The following DCLK1 variants were observed in gnomAD, a reference collection of about 807,000 sequenced individuals.
The protein encoded by DCLK1 is serine/threonine-protein kinase DCLK1.
Under a neutral mutation model 86.2 loss-of-function variants are expected in DCLK1, and 16 were observed. That is an observed-to-expected ratio of 0.19 (90% confidence interval 0.13 to 0.28). The LOEUF (loss-of-function observed/expected upper bound fraction) is 0.28, where lower values mean the gene tolerates loss of function less well. Among genes scored for constraint, DCLK1 ranks in the 10% least tolerant of loss-of-function variants. DCLK1 has a pLI of 1.00. For synonymous variants in DCLK1, 369 were observed against 370.5 expected, an observed-to-expected ratio of 1.00 and a Z score of 0.05; for missense variants, 590 against 940.2, an observed-to-expected ratio of 0.63 and a Z score of 4.87.
At chr13:35,887,221 G>A (rs547318192) in intron 4 of DCLK1, among the ~76,000 whole-genome samples, 1 of 152,318 alleles carries the variant, frequency 6.6e-6, no homozygotes, top group African/African-American at 2.4e-5. Context: ...AGTGCCACAG[G>A]TGACCTGTTT....
chr13:36,098,558 T>C (rs1344183960), intron 3 of DCLK1, among the ~76,000 whole-genome samples: 1 of 152,116 alleles, frequency 6.6e-6, no homozygotes, highest in Non-Finnish European at 1.5e-5. Flanking sequence ...CACTTTTGTC[T>C]TCAAAAAAAA....
chr13:35,954,674 A>G (rs1290746138), intron 3 of DCLK1, among the ~76,000 whole-genome samples: 1 of 152,148 alleles, frequency 6.6e-6, no homozygotes, highest in African/African-American at 2.4e-5. Context: ...TTATGGCTAG[A>G]AGCTTCTAAT....
intron 4 of DCLK1, among the ~76,000 whole-genome samples, chr13:35,918,892 G>GTTTTTGTTTTTTTTTT (rs1875602965): frequency 1.3e-5 from 1 of 76,310 alleles, no homozygotes; most frequent in Non-Finnish European, 2.5e-5. Context: ...TTCTGAGTGT[G>GTTTTTGTTTTTTTTTT]TTTTTTTTTT....
chr13:36,076,725 C>T (rs1456311004), intron 3 of DCLK1, among the ~76,000 whole-genome samples: 2 of 152,144 alleles, frequency 1.3e-5, no homozygotes, highest in East Asian at 1.9e-4. Flanking sequence ...CGATTGCACC[C>T]GCCACCTAGT....
At chr13:36,051,037 A>G (rs1014146614) in intron 3 of DCLK1, among the ~76,000 whole-genome samples, 3 of 152,112 alleles carry the variant, frequency 2.0e-5, no homozygotes, top group Non-Finnish European at 4.4e-5. Context: ...GCTAAAACAC[A>G]TTTCACTCCA....
chr13:35,927,969 C>T (rs902629252), intron 4 of DCLK1, among the ~76,000 whole-genome samples: 1 of 152,172 alleles, frequency 6.6e-6, no homozygotes. Context: ...AAGGAGAGGA[C>T]CTGCAAGCTC....
chr13:35,935,913 T>C (rs1026877392), intron 4 of DCLK1, among the ~76,000 whole-genome samples: 15 of 152,116 alleles, frequency 9.9e-5, no homozygotes, highest in Non-Finnish European at 1.6e-4. Context: ...ACCATCTGGT[T>C]GCCATTTGTC....
intron 3 of DCLK1, among the ~76,000 whole-genome samples, chr13:36,043,322 AT>A (rs202015103): frequency 6.6e-6 from 1 of 151,796 alleles, no homozygotes; most frequent in Non-Finnish European, 1.5e-5. Context: ...GCTCCTAGAA[AT>A]TTAAAAAAAA....
intron 8 of DCLK1, among the ~76,000 whole-genome samples, chr13:35,831,898 G>A (rs1207904442): frequency 6.6e-6 from 1 of 152,160 alleles, no homozygotes; most frequent in Non-Finnish European, 1.5e-5. Context: ...GCTAAAAATG[G>A]TTTGGAGACA....
At chr13:35,816,696 C>T (rs2087274784) in intron 11 of DCLK1, among the ~76,000 whole-genome samples, 1 of 152,212 alleles carries the variant, frequency 6.6e-6, no homozygotes, top group African/African-American at 2.4e-5. Flanking sequence ...TCAGATATGT[C>T]TGAGTCCAAG....
intron 3 of DCLK1, among the ~76,000 whole-genome samples, chr13:36,079,384 C>T (rs1884333447): frequency 6.6e-6 from 1 of 152,208 alleles, no homozygotes; most frequent in Non-Finnish European, 1.5e-5. Context: ...AATCCCAAAA[C>T]TTTGGGAGGC....
intron 16 of DCLK1, among the ~76,000 whole-genome samples, chr13:35,783,878 G>A (rs542066147): frequency 6.6e-5 from 10 of 152,218 alleles, no homozygotes; most frequent in South Asian, 4.1e-4. Context: ...GAGCCACCGC[G>A]CCCAGCCTCC....
intron 5 of DCLK1, among the ~76,000 whole-genome samples, chr13:35,858,172 G>C (rs770502718): frequency 2.0e-5 from 3 of 152,142 alleles, no homozygotes; most frequent in African/African-American, 7.2e-5. Flanking sequence ...GCACATTTAA[G>C]GGTCCTATGG....
intron 3 of DCLK1, among the ~76,000 whole-genome samples, chr13:35,987,267 A>T (rs1879966709): frequency 6.6e-6 from 1 of 152,164 alleles, no homozygotes; most frequent in South Asian, 2.1e-4. Flanking sequence ...ACTAAAAAAA[A>T]TACAAAAATT....
At chr13:35,898,966 C>G (rs561551342) in intron 4 of DCLK1, among the ~76,000 whole-genome samples, 17 of 152,244 alleles carry the variant, frequency 1.1e-4, no homozygotes, top group African/African-American at 4.1e-4. Flanking sequence ...GTCTCAAACT[C>G]CCGGGCTCAA....
chr13:36,058,825 T>C (rs1159789947), intron 3 of DCLK1, among the ~76,000 whole-genome samples: 1 of 152,148 alleles, frequency 6.6e-6, no homozygotes, highest in African/African-American at 2.4e-5. Context: ...GTGGGGAGTA[T>C]ATGCTCAGTA....
chr13:36,120,872 T>C (rs1885964451), intron 2 of DCLK1, among the ~76,000 whole-genome samples: 1 of 152,160 alleles, frequency 6.6e-6, no homozygotes, highest in African/African-American at 2.4e-5. Flanking sequence ...AAACATCTTG[T>C]TGAGGATAGA....
intron 3 of DCLK1, among the ~76,000 whole-genome samples, chr13:36,091,148 C>A (rs1884812330): frequency 1.3e-5 from 2 of 152,158 alleles, no homozygotes; most frequent in South Asian, 4.1e-4. Flanking sequence ...CGGGTTCACT[C>A]TGATGCTAGT....
intron 4 of DCLK1, among the ~76,000 whole-genome samples, chr13:35,888,736 C>T (rs1873452313): frequency 6.6e-6 from 1 of 152,218 alleles, no homozygotes; most frequent in Non-Finnish European, 1.5e-5. Context: ...CCTCAGCCAT[C>T]AAACAAATCA....
Sources: allele counts gnomAD v4.1 joint callset (sites outside exome capture counted in the v4.1 genomes callset), GRCh38; gene constraint gnomAD v4.1.1; transcripts MANE v1.5; gene names NCBI Gene and HGNC (gene_info 2026-07-23, HGNC 2026-07-21).